Variants in RRAS2 observed in about 807,000 individuals in gnomAD.
RRAS2 encodes the protein RAS related 2.
Under a neutral mutation model 27.6 loss-of-function variants are expected in RRAS2, and 7 were observed. The observed-to-expected ratio is 0.25, with a 90% CI of 0.14 to 0.48. RRAS2 has a LOEUF of 0.48. Among genes scored for constraint, RRAS2 ranks in the 20% least tolerant of loss-of-function variants. The pLI is 0.99. For synonymous variants in RRAS2, 86 were observed against 90.9 expected (o/e 0.95, Z 0.31); for missense variants, 178 against 256.2 (o/e 0.69, Z 2.08).
chr11:14,331,865 A>G (rs1198091912), intron 1 of RRAS2, among the ~76,000 whole-genome samples: 1 of 152,170 alleles, frequency 6.6e-6, no homozygotes, highest in East Asian at 1.9e-4. Context: ...AAAGCAATCC[A>G]ATTTTCAAAA....
intron 1 of RRAS2, among the ~76,000 whole-genome samples, chr11:14,312,452 C>T (rs1847994290): frequency 6.6e-6 from 1 of 152,174 alleles, no homozygotes; most frequent in Admixed American, 6.5e-5. Context: ...GACAATCTTG[C>T]TCTGTTGCCC....
intron 1 of RRAS2, among the ~76,000 whole-genome samples, chr11:14,332,484 A>C (rs1208080981): frequency 6.6e-6 from 1 of 152,210 alleles, no homozygotes. Context: ...CCTCAGCAAC[A>C]GAATGAGACC....
intron 1 of RRAS2, among the ~76,000 whole-genome samples, chr11:14,302,117 A>C (rs1342330601): frequency 1.4e-5 from 1 of 70,138 alleles, no homozygotes; most frequent in Admixed American, 1.2e-4. Context: ...CACACCAAAA[A>C]CCAAGACTAA....
upstream of RRAS2, among the ~76,000 whole-genome samples, chr11:14,363,003 A>AT (rs1310294400): frequency 6.6e-6 from 1 of 152,206 alleles, no homozygotes; most frequent in Non-Finnish European, 1.5e-5. Flanking sequence ...TACAATTCAA[A>AT]TTTTTTGTGT....
intron 4 of RRAS2, among the ~76,000 whole-genome samples, chr11:14,286,963 T>C (rs186100421): frequency 1.1e-3 from 173 of 152,314 alleles, no homozygotes; most frequent in Middle Eastern, 6.8e-3. Flanking sequence ...AATTCCTTCA[T>C]ATAAAATACC....
At chr11:14,337,485 G>A (rs1409478223) in intron 1 of RRAS2, among the ~76,000 whole-genome samples, 1 of 152,092 alleles carries the variant, frequency 6.6e-6, no homozygotes, top group African/African-American at 2.4e-5. Flanking sequence ...TTACCTCACT[G>A]CTTCTCATCA....
Position 14,312,576 on chromosome 11 carries a change from C to T in RRAS2, c.109-16721G>A, listed in dbSNP as rs782670335. 1.1e-4 allele frequency among the ~76,000 whole-genome samples: 17 copies of T among 152,122 alleles called. 1 individual carries two copies. Among genetic ancestry groups the T allele is most frequent in the South Asian group, 6.2e-4 (3 of 4,818 alleles). ...CTGGGACTGTAGGTGCATGCCACCA[C>T]GCCTGGCTAATTTTTTCATTTTTTT... On this transcript the variant is annotated intron_variant, in intron 1 of 5. Transcript: ENST00000256196.
intron 1 of RRAS2, among the ~76,000 whole-genome samples, chr11:14,351,369 T>C (rs1261076937): frequency 6.6e-6 from 1 of 152,178 alleles, no homozygotes; most frequent in Non-Finnish European, 1.5e-5. Flanking sequence ...ATTCTACACA[T>C]CAGGTAATAG....
rs1453537082 is a variant in RRAS2, at chr11:14,341,733, G to C, written c.108+17030C>G. ...TCCATTTGACTACACAGTTAAGTCA[G>C]AGTACATTCTCTGTTCTTAATTAAC... is the stretch of plus-strand genomic sequence containing the variant. On this transcript the variant is annotated intron_variant, in intron 1 of 5. Coordinates refer to ENST00000256196, the MANE Select transcript of RRAS2 (RefSeq NM_012250.6). 3.0e-5 allele frequency: 13 copies of C among 429,908 alleles called. No homozygotes were observed. The East Asian group carries it at 8.4e-4, about 28-fold the overall frequency. 26.6% of individuals were successfully genotyped at this position (429,908 alleles called of 1,614,324 possible). A position where few individuals can be genotyped will look rare whatever the true frequency, so the allele number is the denominator to read the frequency against.
At chr11:14,293,358 CT>C (rs1353502939) in intron 4 of RRAS2, among the ~76,000 whole-genome samples, 1 of 151,534 alleles carries the variant, frequency 6.6e-6, no homozygotes, top group Non-Finnish European at 1.5e-5. Context: ...AACAAGAATA[CT>C]TAAATACCAG....
At chr11:14,361,082 G>C (rs1010746069), upstream of RRAS2, among the ~76,000 whole-genome samples, 3 of 152,056 alleles carry the variant, frequency 2.0e-5, no homozygotes, top group Non-Finnish European at 4.4e-5. Context: ...TTGAGCCCAG[G>C]AGTTCCAGAC....
chr11:14,362,304 C>T (rs2134051805), upstream of RRAS2, among the ~76,000 whole-genome samples: 1 of 152,142 alleles, frequency 6.6e-6, no homozygotes, highest in South Asian at 2.1e-4. Context: ...AAGGAAGTGG[C>T]TTTATACTTC....
intron 1 of RRAS2, among the ~76,000 whole-genome samples, chr11:14,333,336 C>T (rs1168726216): frequency 2.0e-5 from 3 of 152,048 alleles, no homozygotes; most frequent in Non-Finnish European, 2.9e-5. Context: ...AAGGAAAAGG[C>T]GAGGCTATTG....
At chr11:14,321,937 T>C (rs782178624) in intron 1 of RRAS2, among the ~76,000 whole-genome samples, 1 of 152,204 alleles carries the variant, frequency 6.6e-6, no homozygotes, top group Non-Finnish European at 1.5e-5. Context: ...TTAACTACAA[T>C]TGAACTTTGT....
chr11:14,317,497 T>C (rs1431858607), intron 1 of RRAS2, among the ~76,000 whole-genome samples: 2 of 152,198 alleles, frequency 1.3e-5, no homozygotes, highest in Non-Finnish European at 2.9e-5. Flanking sequence ...GGAGAATCGC[T>C]TGAACCCGGA....
Position 14,349,156 on chromosome 11 carries a change from T to G in RRAS2, c.108+9607A>C, listed in dbSNP as rs536494838. Among the ~76,000 whole-genome samples, 50 of 151,070 alleles carry G rather than the reference T, an allele frequency of 3.3e-4. No individual in the cohort carries two copies. The South Asian group carries it at 3.8e-3, about 11-fold the overall frequency. ...AATTTTTTGTATTCATTTTTTATTT[T>G]TATTATTTTTTTTAGAGACAGAGTC... On this transcript the variant is annotated intron_variant, in intron 1 of 5. Transcript: ENST00000256196.
intron 4 of RRAS2, among the ~76,000 whole-genome samples, chr11:14,285,856 C>G (rs1466107134): frequency 6.6e-6 from 1 of 152,146 alleles, no homozygotes. Context: ...CCCCGTCTGG[C>G]TATTTTTCAG....
intron 5 of RRAS2, among the ~76,000 whole-genome samples, chr11:14,280,550 A>G (rs886357040): frequency 6.6e-6 from 1 of 151,698 alleles, no homozygotes; most frequent in Admixed American, 6.6e-5. Context: ...ATATGGTGAA[A>G]CCCCATCTCT....
At chr11:14,300,569 GACCCTGTTTCC>G (rs1291740505) in intron 1 of RRAS2, among the ~76,000 whole-genome samples, 1 of 152,104 alleles carries the variant, frequency 6.6e-6, no homozygotes, top group Non-Finnish European at 1.5e-5. Flanking sequence ...AACAAAGCAA[GACCCTGTTTCC>G]ACCCCCGCCT....
Sources: allele counts gnomAD v4.1 joint callset (sites outside exome capture counted in the v4.1 genomes callset), GRCh38; gene constraint gnomAD v4.1.1; transcripts MANE v1.5; gene names NCBI Gene and HGNC (gene_info 2026-07-23, HGNC 2026-07-21).